The following PPM1L variants were observed in gnomAD, a reference collection of about 807,000 sequenced individuals.
PPM1L encodes the protein protein phosphatase 1L.
Under a neutral mutation model 31.4 loss-of-function variants are expected in PPM1L, and 13 were observed. The ratio of observed to expected loss-of-function variants is 0.41; its 90% CI spans 0.27 to 0.66. The LOEUF (loss-of-function observed/expected upper bound fraction) is 0.66, where lower values mean the gene tolerates loss of function less well. PPM1L is among the 30% of genes least tolerant of loss of function. The pLI, the probability that PPM1L is intolerant of heterozygous loss-of-function variation, is 0.29. For synonymous variants in PPM1L, 184 were observed against 175.4 expected, an observed-to-expected ratio of 1.05 and a Z score of -0.39; for missense variants, 326 against 453.7, an observed-to-expected ratio of 0.72 and a Z score of 2.56.
chr3:160,865,089 A>G (rs375876977), intron 1 of PPM1L, among the ~76,000 whole-genome samples: 144 of 152,304 alleles, frequency 9.5e-4, no homozygotes, highest in African/African-American at 3.4e-3. Context: ...TTCGTTTCTA[A>G]TGTATCCAGT....
chr3:161,014,677 G>C (rs972579550), intron 2 of PPM1L, among the ~76,000 whole-genome samples: 2 of 152,028 alleles, frequency 1.3e-5, no homozygotes, highest in Non-Finnish European at 2.9e-5. Flanking sequence ...GTTTCACCTT[G>C]GTCAGCCTTG....
chr3:160,769,112 G>A (rs1490361748), intron 1 of PPM1L, among the ~76,000 whole-genome samples: 1 of 152,218 alleles, frequency 6.6e-6, no homozygotes, highest in Non-Finnish European at 1.5e-5. Flanking sequence ...AATGTGATCA[G>A]CATGATTAGC....
chr3:161,012,600 T>C (rs1245342043), intron 2 of PPM1L, among the ~76,000 whole-genome samples: 2 of 151,770 alleles, frequency 1.3e-5, no homozygotes, highest in Non-Finnish European at 2.9e-5. Context: ...ATGGTACCAG[T>C]TCCTCCTTGT....
intron 2 of PPM1L, among the ~76,000 whole-genome samples, chr3:160,989,630 A>G (rs1430142841): frequency 1.3e-5 from 2 of 152,008 alleles, no homozygotes; most frequent in Non-Finnish European, 2.9e-5. Context: ...ACAAAGTGCT[A>G]GGGTCACAGG....
intron 1 of PPM1L, among the ~76,000 whole-genome samples, chr3:160,826,439 T>C (rs1713358353): frequency 6.6e-6 from 1 of 152,110 alleles, no homozygotes; most frequent in Admixed American, 6.6e-5. Context: ...AATTGATAAA[T>C]TGAGTGTAGT....
At chr3:160,814,492 C>T (rs1560114596) in intron 1 of PPM1L, among the ~76,000 whole-genome samples, 1 of 149,050 alleles carries the variant, frequency 6.7e-6, no homozygotes, top group Non-Finnish European at 1.5e-5. Flanking sequence ...CACACACACA[C>T]ACACATATAT....
At chr3:160,989,408 AT>A (rs200392486) in intron 2 of PPM1L, among the ~76,000 whole-genome samples, 9,907 of 145,504 alleles carry the variant, frequency 0.068, 434 homozygotes, top group East Asian at 0.11. Context: ...ATTTAAAACA[AT>A]TTTTTTTTTT....
rs533595050 is a variant in PPM1L, at chr3:160,972,689, A to G, written c.574+10779A>G. 7.2e-5 allele frequency among the ~76,000 whole-genome samples: 11 copies of G among 152,258 alleles called. No homozygotes were observed. The South Asian group carries it at 1.9e-3, about 26-fold the overall frequency. ...GTGCATGTGTCTTTATAGCAGCATG[A>G]TTTATAATCCTTTGGGTATATACCC... is the stretch of plus-strand genomic sequence containing the variant. On this transcript the variant is annotated intron_variant, in intron 2 of 3. Coordinates refer to ENST00000498165, the MANE Select transcript of PPM1L (RefSeq NM_139245.4).
At chr3:160,766,993 T>G (rs1715119248) in intron 1 of PPM1L, among the ~76,000 whole-genome samples, 1 of 149,916 alleles carries the variant, frequency 6.7e-6, no homozygotes, top group Non-Finnish European at 1.5e-5. Context: ...CACCGTACAG[T>G]GTTACTAGGT....
At chr3:161,019,861 C>T (rs1248414381) in intron 2 of PPM1L, among the ~76,000 whole-genome samples, 2 of 152,164 alleles carry the variant, frequency 1.3e-5, no homozygotes, top group East Asian at 1.9e-4. Context: ...CATGGTGGCT[C>T]ATGCCTGTAA....
chr3:161,015,822 G>A (rs139923876), intron 2 of PPM1L, among the ~76,000 whole-genome samples: 168 of 152,228 alleles, frequency 1.1e-3, no homozygotes, highest in Non-Finnish European at 1.8e-3. Flanking sequence ...TAAAAACATG[G>A]CATTTGTATT....
chr3:161,046,662 T>G (rs1719085703), intron 2 of PPM1L, among the ~76,000 whole-genome samples: 1 of 152,152 alleles, frequency 6.6e-6, no homozygotes, highest in African/African-American at 2.4e-5. Flanking sequence ...ACCAATATCC[T>G]TGATGAACAT....
At chr3:160,769,834 G>T (rs113140234) in intron 1 of PPM1L, among the ~76,000 whole-genome samples, 2,507 of 152,136 alleles carry the variant, frequency 0.016, 64 homozygotes, top group African/African-American at 0.057. Context: ...ATCTACTCCA[G>T]GCCAAAGAGG....
rs1163075724 is a variant in PPM1L, at chr3:161,070,933, A to G, written c.*1776A>G. On this transcript the variant is annotated 3_prime_UTR_variant, in exon 4 of 4. Coordinates refer to ENST00000498165, the MANE Select transcript of PPM1L (RefSeq NM_139245.4). ...AGAATTGCTAATGATTTCCCATGAG[A>G]TTTGCTTACTTTTGTATACTGTATT... 1 of 152,178 alleles carries G rather than the reference A, an allele frequency of 6.6e-6. No individual in the cohort carries two copies. The highest frequency in any genetic ancestry group is 1.5e-5 in the Non-Finnish European group (1 of 68,026). The allele number at this position is 152,178 out of a possible 1,614,324, so 9.4% of individuals were successfully genotyped here. A position where few individuals can be genotyped will look rare whatever the true frequency, so the allele number is the denominator to read the frequency against.
At chr3:160,930,934 A>G (rs969484980) in intron 1 of PPM1L, among the ~76,000 whole-genome samples, 10 of 152,194 alleles carry the variant, frequency 6.6e-5, no homozygotes, top group Admixed American at 2.0e-4. Flanking sequence ...ATATGGTTAG[A>G]TAAGTGCAGA....
intron 1 of PPM1L, among the ~76,000 whole-genome samples, chr3:160,810,306 C>T (rs1235633793): frequency 1.3e-5 from 2 of 152,074 alleles, no homozygotes; most frequent in African/African-American, 2.4e-5. Context: ...ATTGCTCTCA[C>T]TCCTGTTTCA....
chr3:161,056,107 G>C (rs967861677), intron 2 of PPM1L, among the ~76,000 whole-genome samples: 1 of 152,094 alleles, frequency 6.6e-6, no homozygotes, highest in Non-Finnish European at 1.5e-5. Context: ...AGGTTGGAGG[G>C]GGGCAAGGGA....
At chr3:160,918,278 C>T (rs1181377112) in intron 1 of PPM1L, among the ~76,000 whole-genome samples, 1 of 152,238 alleles carries the variant, frequency 6.6e-6, no homozygotes, top group African/African-American at 2.4e-5. Context: ...ACAGTTGTAC[C>T]TGGCACATGG....
chr3:160,878,153 C>T (rs1235970207), intron 1 of PPM1L, among the ~76,000 whole-genome samples: 1 of 152,120 alleles, frequency 6.6e-6, no homozygotes, highest in Non-Finnish European at 1.5e-5. Flanking sequence ...ACACATTGGC[C>T]CAGTTGGAGT....
Sources: gnomAD v4.1 joint callset for allele counts (sites outside exome capture counted in the v4.1 genomes callset) on GRCh38, gnomAD v4.1.1 for gene constraint, MANE v1.5 for transcripts, NCBI Gene and HGNC (gene_info 2026-07-23, HGNC 2026-07-21) for gene names.